The following TBC1D13 variants were observed in gnomAD, a reference collection of about 807,000 sequenced individuals.
The protein encoded by TBC1D13 is epididymis secretory sperm binding protein.
TBC1D13 carries 40 observed loss-of-function variants against 53.6 expected under a neutral mutation model. That is an observed-to-expected ratio of 0.75 (90% CI 0.58 to 0.97). The LOEUF is 0.97. Among genes scored for constraint, TBC1D13 ranks in the 50% least tolerant of loss-of-function variants. The pLI, the probability that TBC1D13 is intolerant of heterozygous loss-of-function variation, is 0.00. For missense variants in TBC1D13, 377 were observed against 499.4 expected (o/e 0.75, Z 2.34); for synonymous variants, 182 against 197.7 (o/e 0.92, Z 0.67).
At chr9:128,798,769 C>G (rs1829681000) in intron 7 of TBC1D13, among the ~76,000 whole-genome samples, 1 of 152,228 alleles carries the variant, frequency 6.6e-6, no homozygotes, top group East Asian at 1.9e-4. Context: ...TTTTCACTGT[C>G]TTCCATCAAT....
At position 128,808,402 on chromosome 9, in the gene TBC1D13, C is replaced by A; in HGVS notation, c.*523C>A. 1 of 146,494 alleles carries A rather than the reference C, an allele frequency of 6.8e-6. No individual in the cohort carries two copies. The highest frequency in any genetic ancestry group is 1.3e-5 in the Non-Finnish European group (1 of 76,530). 9.1% of individuals were successfully genotyped at this position (146,494 alleles called of 1,614,324 possible). The stretch of plus-strand genomic sequence containing the variant: ...AATGTGGGCCCAAGTCCCCAGGCAT[C>A]TTCTCCGTGTGTGTGTGTGTGTGTG... On this transcript the variant is annotated 3_prime_UTR_variant, in exon 12 of 12. Transcript: ENST00000372648.
Position 128,803,311 on chromosome 9 carries a change from A to G in TBC1D13, c.605A>G (p.Asn202Ser), listed in dbSNP as rs146577668. ...SSLNEYEVLP[N>S]GCEAHWEVVE... ...CTAAATGAGTATGAGGTGCTGCCCA[A>G]TGGCTGTGAGGCCCACTGGGAGGTG... Residue 202 changes from asparagine (N) to serine (S), a missense_variant, in exon 8 of 12, where the codon AAT (asparagine) becomes AGT (serine). Coordinates refer to ENST00000372648, the MANE Select transcript of TBC1D13 (RefSeq NM_018201.5). The G allele has an allele frequency of 5.1e-5, 82 of 1,614,064 alleles. No homozygotes were observed. The highest frequency in any genetic ancestry group is 5.9e-5 in the Non-Finnish European group (70 of 1,180,048).
intron 6 of TBC1D13, among the ~76,000 whole-genome samples, chr9:128,793,400 G>A (rs922861070): frequency 1.3e-5 from 2 of 152,238 alleles, no homozygotes; most frequent in Admixed American, 1.3e-4. Flanking sequence ...GCAGCGTGTT[G>A]GGCTAGGTGA....
chr9:128,806,028 G>A lies in TBC1D13; in HGVS notation c.1079+9G>A, dbSNP rs370685443. 18 of 1,612,556 alleles carry A rather than the reference G, an allele frequency of 1.1e-5. No individual in the cohort carries two copies. The highest frequency in any genetic ancestry group is 5.3e-5 in the African/African-American group (4 of 74,902). ...TGCTGCGCCATGCTCATGTGAGTGC[G>A]GGCATGAGCTGTCATCAGCTCACCT... is the stretch of plus-strand genomic sequence containing the variant. On this transcript the variant is annotated intron_variant, in intron 10 of 11. Coordinates refer to ENST00000372648, the MANE Select transcript of TBC1D13 (RefSeq NM_018201.5).
intron 2 of TBC1D13, among the ~76,000 whole-genome samples, chr9:128,789,316 CAAAA>C (rs10648259): frequency 3.6e-5 from 3 of 83,396 alleles, no homozygotes; most frequent in Non-Finnish European, 6.3e-5. Flanking sequence ...AGCTCCATCT[CAAAA>C]AAAAAAAAAA....
intron 9 of TBC1D13, among the ~76,000 whole-genome samples, chr9:128,804,718 C>CTGTTTTTTTTTTTTTT (rs1829796731): frequency 1.2e-5 from 1 of 83,370 alleles, no homozygotes; most frequent in African/African-American, 5.0e-5. Context: ...CCTTTTTTTT[C>CTGTTTTTTTTTTTTTT]TGTTTTTTTT....
chr9:128,804,249 G>C, intron 9 of TBC1D13, 130 bp downstream of exon 9: 1 of 1,087,298 alleles, frequency 9.2e-7, no homozygotes, highest in Non-Finnish European at 1.3e-6. Context: ...TGCCCGGGAC[G>C]CTGACCCATG....
chr9:128,787,271 C>T lies in TBC1D13; in HGVS notation c.-83C>T. On this transcript the variant is annotated 5_prime_UTR_variant, in exon 1 of 12. Coordinates refer to ENST00000372648, the MANE Select transcript of TBC1D13 (RefSeq NM_018201.5). Reference sequence around the variant, plus strand: ...GGCTTTTGCGCAGAGCCCCGCGTCCCTGGGGGGCGGCGGCGGCGGCGGCAG... The same window carrying T: ...GGCTTTTGCGCAGAGCCCCGCGTCCTTGGGGGGCGGCGGCGGCGGCGGCAG... 10 of 1,242,428 alleles carry T rather than the reference C, an allele frequency of 8.0e-6. No homozygotes were observed. Among genetic ancestry groups the T allele is most frequent in the Non-Finnish European group, 1.0e-5 (10 of 983,250 alleles). The allele number at this position is 1,242,428 out of a possible 1,614,324, so 77.0% of individuals were successfully genotyped here.
At chr9:128,787,506 C>A in intron 1 of TBC1D13, 130 bp downstream of exon 1, 1 of 965,360 alleles carries the variant, frequency 1.0e-6, no homozygotes, top group Non-Finnish European at 1.4e-6. Context: ...CTCGAGCGTC[C>A]ACCTTCTAAC....
chr9:128,796,129 C>T (rs1829626373), intron 6 of TBC1D13, among the ~76,000 whole-genome samples: 1 of 152,150 alleles, frequency 6.6e-6, no homozygotes, highest in Admixed American at 6.5e-5. Context: ...ATTCTGTCAC[C>T]CAGGCTGGAG....
chr9:128,808,283 G>A lies in TBC1D13; in HGVS notation c.*404G>A. 4 of 240,868 alleles carry A rather than the reference G, an allele frequency of 1.7e-5. No homozygotes were observed. The highest frequency in any genetic ancestry group is 1.3e-4 in the South Asian group (2 of 14,940). The allele number at this position is 240,868 out of a possible 1,614,324, so 14.9% of individuals were successfully genotyped here. On this transcript the variant is annotated 3_prime_UTR_variant, in exon 12 of 12. Transcript: ENST00000372648. ...CCAATGGGCCAGAAACCGCTTCTGA[G>A]CGGGGCACTTCGGCTGCTCCACAGG...
intron 2 of TBC1D13, among the ~76,000 whole-genome samples, chr9:128,788,717 G>A (rs568720609): frequency 2.3e-4 from 3 of 12,960 alleles, no homozygotes; most frequent in African/African-American, 5.6e-4. Context: ...CCTGGAGAAT[G>A]AGAGTTGGGA....
intron 7 of TBC1D13, among the ~76,000 whole-genome samples, chr9:128,800,889 C>T (rs371987030): frequency 9.3e-5 from 14 of 150,684 alleles, no homozygotes; most frequent in East Asian, 6.1e-4. Flanking sequence ...CAGCCAAGTG[C>T]GGTGGCTCAC....
At chr9:128,787,474 G>A in intron 1 of TBC1D13, 98 bp downstream of exon 1, 1 of 1,182,972 alleles carries the variant, frequency 8.5e-7, no homozygotes, top group Non-Finnish European at 1.1e-6. Context: ...CCAGGAATCG[G>A]CAGACCCCCT....
chr9:128,806,608 C>T (rs1829838828), intron 11 of TBC1D13, among the ~76,000 whole-genome samples: 1 of 152,146 alleles, frequency 6.6e-6, no homozygotes, highest in South Asian at 2.1e-4. Flanking sequence ...TGCTGGTGGC[C>T]ATGCTCAGGC....
intron 6 of TBC1D13, 90 bp from the exon 7 acceptor site, chr9:128,796,964 GC>G (rs1829641654): frequency 7.1e-6 from 10 of 1,414,176 alleles, no homozygotes; most frequent in Admixed American, 2.0e-5. Flanking sequence ...AAAAAACAAT[GC>G]TTTTGGGGAG....
At position 128,810,397 on chromosome 9, in the gene TBC1D13, T is replaced by A. The variant is rs1370532555; in HGVS notation, c.*2518T>A. The A allele has an allele frequency of 6.6e-6, 1 of 152,256 alleles. No individual in the cohort carries two copies. The highest frequency in any genetic ancestry group is 1.5e-5 in the Non-Finnish European group (1 of 68,056). 9.4% of individuals were successfully genotyped at this position (152,256 alleles called of 1,614,324 possible). On this transcript the variant is annotated 3_prime_UTR_variant, in exon 12 of 12. Coordinates refer to ENST00000372648, the MANE Select transcript of TBC1D13 (RefSeq NM_018201.5). ...TGAGTCAGTGCTGTTGATGACGAGTTGTCTTGAATAAATCATGTGTTCTTT... is the reference window on the plus strand; with the variant it reads ...TGAGTCAGTGCTGTTGATGACGAGTAGTCTTGAATAAATCATGTGTTCTTT...
chr9:128,802,262 T>C (rs1829750120), intron 7 of TBC1D13, among the ~76,000 whole-genome samples: 1 of 151,962 alleles, frequency 6.6e-6, no homozygotes, highest in Admixed American at 6.6e-5. Flanking sequence ...TTCTCCATGT[T>C]GGTCAGGCTG....
intron 6 of TBC1D13, among the ~76,000 whole-genome samples, chr9:128,792,809 G>A (rs1229160387): frequency 6.6e-6 from 1 of 152,170 alleles, no homozygotes; most frequent in Non-Finnish European, 1.5e-5. Context: ...AGTTTCATTT[G>A]TACCCCAGGT....
Sources: gnomAD v4.1 joint callset for allele counts (sites outside exome capture counted in the v4.1 genomes callset) on GRCh38, gnomAD v4.1.1 for gene constraint, MANE v1.5 for transcripts, NCBI Gene and HGNC (gene_info 2026-07-23, HGNC 2026-07-21) for gene names.